Variants in CDK8 observed in about 807,000 individuals in gnomAD.
CDK8 encodes the protein cyclin-dependent kinase 8.
In CDK8, 29 loss-of-function variants were observed where a neutral mutation model predicts 71.5. The ratio of observed to expected loss-of-function variants is 0.41; its 90% CI spans 0.30 to 0.55. CDK8 has a LOEUF of 0.55. Ranked by LOEUF, CDK8 falls within the 20% of genes least tolerant of loss-of-function variation. The probability of loss-of-function intolerance (pLI) is 0.37; values close to 1 mark genes in which losing one functional copy is unlikely to be tolerated. For missense variants in CDK8, 288 were observed against 572.6 expected, an observed-to-expected ratio of 0.50 and a Z score of 5.07; for synonymous variants, 161 against 192.1, an observed-to-expected ratio of 0.84 and a Z score of 1.34.
chr13:26,365,914 C>T (rs976518428), intron 4 of CDK8, among the ~76,000 whole-genome samples: 1 of 151,864 alleles, frequency 6.6e-6, no homozygotes, highest in Non-Finnish European at 1.5e-5. Context: ...AAATATATCA[C>T]AATACCAAGA....
intron 1 of CDK8, among the ~76,000 whole-genome samples, chr13:26,304,456 T>C (rs1332320145): frequency 1.3e-5 from 2 of 152,144 alleles, no homozygotes. Context: ...TTGTGTATTA[T>C]TCTATCTTCC....
intron 1 of CDK8, among the ~76,000 whole-genome samples, chr13:26,283,006 T>C (rs943189267): frequency 6.6e-6 from 1 of 152,176 alleles, no homozygotes; most frequent in Non-Finnish European, 1.5e-5. Flanking sequence ...CAGGAAAATA[T>C]CACAGTCCTA....
chr13:26,366,038 T>TCTG (rs1219613041), intron 4 of CDK8, among the ~76,000 whole-genome samples: 1 of 152,138 alleles, frequency 6.6e-6, no homozygotes, highest in African/African-American at 2.4e-5. Flanking sequence ...GTTTTAGAGT[T>TCTG]ATTTTCCAGA....
rs767029498 is a variant in CDK8, at chr13:26,400,464, G to A, written c.945G>A (p.Leu315=). ...DSKAFHLLQK[L]LTMDPIKRIT... is the part of the protein sequence containing the mutation. ...ATTTGTGATTTCAGCTTCAGAAGCTGCTTACCATGGACCCAATAAAGCGAA... is the reference window on the plus strand; with the variant it reads ...ATTTGTGATTTCAGCTTCAGAAGCTACTTACCATGGACCCAATAAAGCGAA... The change falls in exon 10 of 13, where the codon CTG becomes CTA. Residue 315 remains leucine (L), a synonymous_variant. Coordinates refer to ENST00000381527, the MANE Select transcript of CDK8 (RefSeq NM_001260.3). 3 of 1,609,254 alleles carry A rather than the reference G, an allele frequency of 1.9e-6. No individual in the cohort carries two copies. The Admixed American group carries it at 5.0e-5, about 27-fold the overall frequency.
rs556813230 is a variant in CDK8, at chr13:26,398,424, A to G, written c.933+1199A>G. 9.7e-4 allele frequency among the ~76,000 whole-genome samples: 148 copies of G among 152,274 alleles called. 1 individual carries two copies. The highest frequency in any genetic ancestry group is 3.5e-3 in the African/African-American group (145 of 41,568). On this transcript the variant is annotated intron_variant, in intron 9 of 12. Transcript: ENST00000381527. ...GATGACTCTGCCTACCATCACCACT[A>G]AAACTCTAGAGATATACCTTCCTTG...
At chr13:26,348,304 G>T (rs1873544206) in intron 2 of CDK8, among the ~76,000 whole-genome samples, 2 of 152,102 alleles carry the variant, frequency 1.3e-5, no homozygotes, top group Non-Finnish European at 2.9e-5. Context: ...GTAACGCAGG[G>T]GTCCCTGCGT....
chr13:26,382,880 T>C lies in CDK8; in HGVS notation c.514+9T>C. ...AGGAAGAGTAAAAATTGGTATGTTA[T>C]ATCTTTGCTAAGTCACAGTGTAGCA... is the stretch of plus-strand genomic sequence containing the variant. On this transcript the variant is annotated intron_variant, in intron 5 of 12. Coordinates refer to ENST00000381527, the MANE Select transcript of CDK8 (RefSeq NM_001260.3). 1 of 1,579,642 alleles carries C rather than the reference T, an allele frequency of 6.3e-7. No homozygotes were observed.
intron 1 of CDK8, among the ~76,000 whole-genome samples, chr13:26,284,000 G>A (rs1332884909): frequency 1.3e-5 from 2 of 151,934 alleles, no homozygotes; most frequent in Non-Finnish European, 2.9e-5. Flanking sequence ...CATCAAAACT[G>A]TACAAATACA....
intron 2 of CDK8, among the ~76,000 whole-genome samples, chr13:26,346,330 G>A (rs1337661477): frequency 1.3e-5 from 2 of 152,208 alleles, no homozygotes; most frequent in East Asian, 3.8e-4. Flanking sequence ...ATACAGGAGT[G>A]AAGTGAAACC....
chr13:26,272,039 ATAAAT>A (rs1209941593), intron 1 of CDK8, among the ~76,000 whole-genome samples: 1 of 151,598 alleles, frequency 6.6e-6, no homozygotes, highest in Non-Finnish European at 1.5e-5. Context: ...TTCTTCAATA[ATAAAT>A]TAACCTTAGC....
intron 4 of CDK8, among the ~76,000 whole-genome samples, chr13:26,356,628 A>G (rs978638171): frequency 9.2e-5 from 14 of 152,184 alleles, no homozygotes; most frequent in Admixed American, 2.0e-4. Context: ...AAATGTGAAC[A>G]CCTTCCTGCC....
intron 1 of CDK8, among the ~76,000 whole-genome samples, chr13:26,263,417 A>G (rs1271284139): frequency 6.6e-6 from 1 of 151,800 alleles, no homozygotes; most frequent in East Asian, 2.0e-4. Flanking sequence ...TACAGGCGTG[A>G]GCCACCGCGC....
At chr13:26,308,718 C>T (rs965598728) in intron 1 of CDK8, among the ~76,000 whole-genome samples, 1 of 152,216 alleles carries the variant, frequency 6.6e-6, no homozygotes, top group African/African-American at 2.4e-5. Flanking sequence ...CCTTTTCTTA[C>T]AGGCGTATCT....
At chr13:26,378,157 C>T (rs1875042843) in intron 4 of CDK8, among the ~76,000 whole-genome samples, 1 of 152,158 alleles carries the variant, frequency 6.6e-6, no homozygotes, top group Non-Finnish European at 1.5e-5. Flanking sequence ...CCATTCTCCA[C>T]TTCCTATGTC....
At chr13:26,286,781 A>G (rs945347759) in intron 1 of CDK8, among the ~76,000 whole-genome samples, 8 of 152,236 alleles carry the variant, frequency 5.3e-5, no homozygotes, top group Non-Finnish European at 8.8e-5. Flanking sequence ...TAATACCCAG[A>G]ATCTACAAGG....
intron 5 of CDK8, among the ~76,000 whole-genome samples, chr13:26,384,728 G>A (rs1338801884): frequency 1.3e-5 from 2 of 152,156 alleles, no homozygotes; most frequent in African/African-American, 4.8e-5. Flanking sequence ...AATTAAGTTA[G>A]TGAAATTCAT....
chr13:26,291,792 A>T (rs377471711), intron 1 of CDK8, among the ~76,000 whole-genome samples: 1 of 152,154 alleles, frequency 6.6e-6, no homozygotes, highest in Non-Finnish European at 1.5e-5. Flanking sequence ...CCCCATCTTC[A>T]TAGGAACTCT....
chr13:26,303,491 G>A (rs1248873441), intron 1 of CDK8, among the ~76,000 whole-genome samples: 2 of 151,970 alleles, frequency 1.3e-5, no homozygotes, highest in Non-Finnish European at 2.9e-5. Flanking sequence ...TGGTAAAGAC[G>A]GGGTTTTACC....
At chr13:26,383,013 A>G in intron 5 of CDK8, 142 bp downstream of exon 5, 4 of 491,718 alleles carry the variant, frequency 8.1e-6, no homozygotes, top group Non-Finnish European at 3.6e-6. Context: ...GAGTATGCAT[A>G]AAAGTGAAAA....
Sources: allele counts gnomAD v4.1 joint callset (sites outside exome capture counted in the v4.1 genomes callset), GRCh38; gene constraint gnomAD v4.1.1; transcripts MANE v1.5; gene names NCBI Gene and HGNC (gene_info 2026-07-23, HGNC 2026-07-21).